NOS1: variants seen among roughly 807,000 people sequenced by gnomAD.
NOS1 encodes nitric oxide synthase 1.
NOS1 carries 51 observed loss-of-function variants against 164.5 expected under a neutral mutation model. The ratio of observed to expected loss-of-function variants is 0.31; its 90% CI spans 0.25 to 0.39. The LOEUF (loss-of-function observed/expected upper bound fraction) is 0.39, where lower values mean the gene tolerates loss of function less well. Among genes scored for constraint, NOS1 ranks in the 10% least tolerant of loss-of-function variants. The pLI, the probability that NOS1 is intolerant of heterozygous loss-of-function variation, is 1.00. For synonymous variants in NOS1, 719 were observed against 745.8 expected (o/e 0.96, Z 0.59); for missense variants, 1,362 against 1,885.6 (o/e 0.72, Z 5.14).
intron 3 of NOS1, among the ~76,000 whole-genome samples, chr12:117,304,179 AAAC>A (rs1327925364): frequency 1.3e-5 from 2 of 152,148 alleles, no homozygotes; most frequent in African/African-American, 4.8e-5. Flanking sequence ...CTCAAAAAAA[AAAC>A]CACAAAAACA....
At chr12:117,254,362 C>T (rs1270756089) in intron 16 of NOS1, among the ~76,000 whole-genome samples, 2 of 152,220 alleles carry the variant, frequency 1.3e-5, no homozygotes, top group Admixed American at 6.5e-5. Context: ...CTGCCTCGGC[C>T]TCCCAAAGTG....
intron 3 of NOS1, among the ~76,000 whole-genome samples, chr12:117,296,655 T>TCCG (rs10672770): frequency 3.3e-5 from 5 of 151,818 alleles, no homozygotes; most frequent in Non-Finnish European, 1.5e-5. Context: ...CTTAATAAAC[T>TCCG]CTTTATATAT....
chr12:117,344,655 T>C lies in NOS1; in HGVS notation c.-420-13166A>G, dbSNP rs368314487. 1.9e-4 allele frequency among the ~76,000 whole-genome samples: 29 copies of C among 152,328 alleles called. No individual in the cohort carries two copies. The East Asian group carries it at 5.6e-3, about 29-fold the overall frequency. ...ATATATTTTTAGCTCAATTCTACAA[T>C]TTTAGTAATTGAAAGTTGAAAGAGA... is the stretch of plus-strand genomic sequence containing the variant. On this transcript the variant is annotated intron_variant, in intron 1 of 28. Transcript: ENST00000317775.
chr12:117,340,483 G>T (rs1876045805), intron 1 of NOS1, among the ~76,000 whole-genome samples: 1 of 151,856 alleles, frequency 6.6e-6, no homozygotes, highest in Admixed American at 6.6e-5. Flanking sequence ...ACATAGATAG[G>T]GTGTCTGAGG....
At chr12:117,262,698 G>T (rs779794138) in intron 13 of NOS1, among the ~76,000 whole-genome samples, 1 of 152,142 alleles carries the variant, frequency 6.6e-6, no homozygotes, top group Admixed American at 6.6e-5. Context: ...TGAGGAAACA[G>T]AGTAGTGTCT....
chr12:117,249,250 G>A (rs561160769), intron 17 of NOS1, among the ~76,000 whole-genome samples: 2 of 152,160 alleles, frequency 1.3e-5, no homozygotes, highest in Non-Finnish European at 2.9e-5. Context: ...AAGCTCATCT[G>A]TGGAAGGGCA....
In NOS1 at chr12:117,215,231, AG is replaced by A; in HGVS notation, c.*77del. ...GGACAGGAGGCAGAGCGAGGGCCAC[AG>A]GGGGTCCCAGAGGAAAGGTTCAGCA... On this transcript the variant is annotated 3_prime_UTR_variant, in exon 29 of 29. Transcript: ENST00000317775. The A allele has an allele frequency of 2.1e-6, 3 of 1,421,642 alleles. No individual in the cohort carries two copies. Among genetic ancestry groups the A allele is most frequent in the South Asian group, 3.5e-5 (2 of 56,472 alleles). 88.1% of individuals were successfully genotyped at this position (1,421,642 alleles called of 1,614,324 possible).
chr12:117,333,548 G>A (rs1293268793), intron 1 of NOS1, among the ~76,000 whole-genome samples: 1 of 152,094 alleles, frequency 6.6e-6, no homozygotes, highest in East Asian at 1.9e-4. Context: ...TGTGTGGGGG[G>A]GATAATTAGC....
intron 25 of NOS1, among the ~76,000 whole-genome samples, chr12:117,224,371 C>G (rs1015933269): frequency 6.6e-6 from 1 of 151,952 alleles, no homozygotes; most frequent in African/African-American, 2.4e-5. Flanking sequence ...CTGCAAGCTC[C>G]GCCTCCCGGG....
intron 24 of NOS1, among the ~76,000 whole-genome samples, chr12:117,225,982 T>G (rs1271467784): frequency 6.6e-6 from 1 of 152,172 alleles, no homozygotes; most frequent in Non-Finnish European, 1.5e-5. Flanking sequence ...AGTCACAGAC[T>G]TCAGTGTGTA....
chr12:117,279,083 A>T (rs965533527), intron 8 of NOS1, among the ~76,000 whole-genome samples: 3 of 152,094 alleles, frequency 2.0e-5, no homozygotes, highest in Non-Finnish European at 4.4e-5. Flanking sequence ...TTTCAACATT[A>T]AAAATGATCA....
Position 117,208,391 on chromosome 12 carries a change from CGTGTGT to C in NOS1, c.*6912_*6917del. On this transcript the variant is annotated 3_prime_UTR_variant, in exon 29 of 29. Transcript: ENST00000317775. ...GGGGGGACGGCCGAGTTTCTGACAG[CGTGTGT>C]GTGTGTGTGTGTGTGTGTGTGTGTG... 84 of 1,243,712 alleles carry C rather than the reference CGTGTGT, an allele frequency of 6.8e-5. No individual in the cohort carries two copies. Among genetic ancestry groups the C allele is most frequent in the East Asian group, 1.7e-4 (3 of 17,216 alleles). 77.0% of individuals were successfully genotyped at this position (1,243,712 alleles called of 1,614,324 possible).
In NOS1 at chr12:117,208,520, A is replaced by G; in HGVS notation, c.*6789T>C. Reference sequence around the variant, plus strand: ...CGGCACCGCTCTTTGGGCCTTCTGGAAAACCACTGCTGAGCCAGGAGTGTG... The same window carrying G: ...CGGCACCGCTCTTTGGGCCTTCTGGGAAACCACTGCTGAGCCAGGAGTGTG... On this transcript the variant is annotated 3_prime_UTR_variant, in exon 29 of 29. Transcript: ENST00000317775. 2 of 1,226,440 alleles carry G rather than the reference A, an allele frequency of 1.6e-6. No homozygotes were observed. The highest frequency in any genetic ancestry group is 2.1e-6 in the Non-Finnish European group (2 of 955,124). 76.0% of individuals were successfully genotyped at this position (1,226,440 alleles called of 1,614,324 possible). A position where few individuals can be genotyped will look rare whatever the true frequency, so the allele number is the denominator to read the frequency against.
chr12:117,210,332 C>T lies in NOS1; in HGVS notation c.*4977G>A. 8 of 985,216 alleles carry T rather than the reference C, an allele frequency of 8.1e-6. No individual in the cohort carries two copies. Among genetic ancestry groups the T allele is most frequent in the Non-Finnish European group, 9.6e-6 (8 of 829,906 alleles). The allele number at this position is 985,216 out of a possible 1,614,324, so 61.0% of individuals were successfully genotyped here. A position where few individuals can be genotyped will look rare whatever the true frequency, so the allele number is the denominator to read the frequency against. ...TGCAGGAGACTATGAAGGTTGGGGA[C>T]AGCCAGAGAGTATGAATGGGTTATA... On this transcript the variant is annotated 3_prime_UTR_variant, in exon 29 of 29. Coordinates refer to ENST00000317775, the MANE Select transcript of NOS1 (RefSeq NM_000620.5).
At chr12:117,302,704 T>C (rs3825103) in intron 3 of NOS1, among the ~76,000 whole-genome samples, 20,581 of 152,062 alleles carry the variant, frequency 0.14, 1,635 homozygotes, top group East Asian at 0.27. Flanking sequence ...TTAAAATGGC[T>C]ACACACCTGC....
In NOS1 at chr12:117,286,138, C is replaced by T. The variant is rs1195781821; in HGVS notation, c.1256G>A (p.Arg419His). ...GGACCACTGGATCCTGCCCACACAG[C>T]GCGAGGCATTCCGCCAGGCGTGCTT... is the stretch of plus-strand genomic sequence containing the variant. Reference protein sequence around the residue: ...GAKHAWRNASRCVGRIQWSKL... With the variant: ...GAKHAWRNASHCVGRIQWSKL... Residue 419 changes from arginine to histidine, a missense_variant, in exon 6 of 29, where the codon CGC (arginine) becomes CAC (histidine). This residue lies in a region of NOS1 where 129 missense variants were observed against 186.0 expected (regional missense o/e 0.69). Coordinates refer to ENST00000317775, the MANE Select transcript of NOS1 (RefSeq NM_000620.5). The T allele has an allele frequency of 3.7e-6, 6 of 1,614,098 alleles. No individual in the cohort carries two copies. Among genetic ancestry groups the T allele is most frequent in the Non-Finnish European group, 5.1e-6 (6 of 1,180,042 alleles).
intron 3 of NOS1, among the ~76,000 whole-genome samples, chr12:117,309,938 G>A (rs1874348285): frequency 6.6e-6 from 1 of 152,100 alleles, no homozygotes; most frequent in Non-Finnish European, 1.5e-5. Flanking sequence ...TCGCTCTGTT[G>A]CCCAGGCTAG....
intron 27 of NOS1, among the ~76,000 whole-genome samples, chr12:117,219,669 G>A (rs1244476216): frequency 6.6e-6 from 1 of 152,048 alleles, no homozygotes; most frequent in Non-Finnish European, 1.5e-5. Flanking sequence ...TGTCTAGAGG[G>A]TCACACTAAA....
At chr12:117,324,880 C>T (rs1438371633) in intron 2 of NOS1, among the ~76,000 whole-genome samples, 2 of 152,202 alleles carry the variant, frequency 1.3e-5, no homozygotes, top group East Asian at 3.9e-4. Flanking sequence ...TTAGAGTAAA[C>T]ATCACTTCTC....
Sources: gnomAD v4.1 joint callset for allele counts (sites outside exome capture counted in the v4.1 genomes callset) on GRCh38, gnomAD v4.1.1 for gene constraint, gnomAD v4.1.1 regional missense constraint, MANE v1.5 for transcripts, NCBI Gene and HGNC (gene_info 2026-07-23, HGNC 2026-07-21) for gene names.